STPG2: variants seen among roughly 807,000 people sequenced by gnomAD.
STPG2 encodes sperm tail PG-rich repeat containing 2, also known as sperm-tail PG-rich repeat-containing protein 2.
Under a neutral mutation model 54.2 loss-of-function variants are expected in STPG2, and 56 were observed. The ratio of observed to expected loss-of-function variants is 1.03; its 90% CI spans 0.83 to 1.29. The LOEUF is 1.29. Ranked by LOEUF, STPG2 falls within the 50% of genes most tolerant of loss-of-function variation. The probability of loss-of-function intolerance (pLI) is 0.00; values close to 1 mark genes in which losing one functional copy is unlikely to be tolerated. For synonymous variants in STPG2, 200 were observed against 181.8 expected, an observed-to-expected ratio of 1.10 and a Z score of -0.81; for missense variants, 596 against 544.9, an observed-to-expected ratio of 1.09 and a Z score of -0.93.
intron 4 of STPG2, among the ~76,000 whole-genome samples, chr4:97,524,566 A>G (rs1353109087): frequency 2.0e-5 from 3 of 151,962 alleles, no homozygotes; most frequent in Non-Finnish European, 2.9e-5. Context: ...TTGAAACCCA[A>G]AGGATCATCA....
intron 5 of STPG2, among the ~76,000 whole-genome samples, chr4:98,056,289 A>T (rs1737482584): frequency 6.6e-6 from 1 of 152,000 alleles, no homozygotes; most frequent in Non-Finnish European, 1.5e-5. Context: ...GCCAGTACCC[A>T]TCCCCAAGCC....
In STPG2 at chr4:98,036,075, C is replaced by T. The variant is rs566500564; in HGVS notation, c.613-54757G>A. Among the ~76,000 whole-genome samples the T allele has an allele frequency of 2.0e-5, 3 of 151,806 alleles. No individual in the cohort carries two copies. In the South Asian group the frequency reaches 6.3e-4, roughly 32 times the overall value. ...AAACCTACATGTTCTGCACATATAC[C>T]CCAGAACTTAAAGTATAATAAAAAT... On this transcript the variant is annotated intron_variant, in intron 5 of 10. Coordinates refer to ENST00000295268, the MANE Select transcript of STPG2 (RefSeq NM_174952.3).
At chr4:97,574,150 G>A (rs1732664323) in intron 10 of STPG2, among the ~76,000 whole-genome samples, 1 of 151,946 alleles carries the variant, frequency 6.6e-6, no homozygotes. Context: ...CTGCAGTTGA[G>A]GAACATAATT....
At chr4:97,739,526 G>C (rs1725145462) in intron 9 of STPG2, among the ~76,000 whole-genome samples, 1 of 152,152 alleles carries the variant, frequency 6.6e-6, no homozygotes, top group African/African-American at 2.4e-5. Flanking sequence ...AAACGATAAA[G>C]GGGATATCAC....
chr4:97,883,508 G>A (rs1359347406), intron 8 of STPG2, among the ~76,000 whole-genome samples: 1 of 152,068 alleles, frequency 6.6e-6, no homozygotes, highest in Non-Finnish European at 1.5e-5. Context: ...AAAGCCTTTA[G>A]TGGAAAAGGT....
intron 5 of STPG2, among the ~76,000 whole-genome samples, chr4:98,031,940 C>T (rs1560646227): frequency 6.6e-6 from 1 of 152,052 alleles, no homozygotes; most frequent in African/African-American, 2.4e-5. Context: ...AGAAGATATA[C>T]AAATGGCCAA....
In STPG2 at chr4:97,710,458, C is replaced by A. The variant is rs990717354; in HGVS notation, c.1320+2241G>T. ...AATTGTATGGACCACCAGCATTGGACAGTTGGGGATCCTTTGTGGACATAA... is the reference window on the plus strand; with the variant it reads ...AATTGTATGGACCACCAGCATTGGAAAGTTGGGGATCCTTTGTGGACATAA... On this transcript the variant is annotated intron_variant, in intron 10 of 10. Transcript: ENST00000295268. 3.9e-5 allele frequency among the ~76,000 whole-genome samples: 6 copies of A among 152,186 alleles called. No individual in the cohort carries two copies. In the South Asian group the frequency reaches 1.0e-3, roughly 26 times the overall value.
At chr4:97,870,701 AG>A (rs1205920560) in intron 8 of STPG2, among the ~76,000 whole-genome samples, 1 of 151,392 alleles carries the variant, frequency 6.6e-6, no homozygotes. Flanking sequence ...TGAGAATAAT[AG>A]GTAGAAGCAT....
Position 98,025,985 on chromosome 4 carries a change from G to A in STPG2, c.613-44667C>T, listed in dbSNP as rs977634862. ...GAACTACACAGGAAGCACATTGTGG[G>A]CCAGAATGTTGCAGAATGTTGCAGA... On this transcript the variant is annotated intron_variant, in intron 5 of 10. Coordinates refer to ENST00000295268, the MANE Select transcript of STPG2 (RefSeq NM_174952.3). 9.5e-6 allele frequency: 11 copies of A among 1,153,654 alleles called. No homozygotes were observed. In the African/African-American group the frequency reaches 1.2e-4, roughly 13 times the overall value. The allele number at this position is 1,153,654 out of a possible 1,614,324, so 71.5% of individuals were successfully genotyped here. A position where few individuals can be genotyped will look rare whatever the true frequency, so the allele number is the denominator to read the frequency against.
chr4:97,806,389 T>G (rs1042353013), intron 9 of STPG2, among the ~76,000 whole-genome samples: 2 of 151,966 alleles, frequency 1.3e-5, no homozygotes, highest in Non-Finnish European at 2.9e-5. Context: ...GGCACAAGGA[T>G]TGAAAAACAA....
intron 7 of STPG2, among the ~76,000 whole-genome samples, chr4:97,969,184 A>G (rs1241393711): frequency 6.6e-6 from 1 of 152,152 alleles, no homozygotes; most frequent in African/African-American, 2.4e-5. Flanking sequence ...ATTGTTTGTA[A>G]ACAGCTTTTG....
chr4:97,468,767 G>A (rs1729852493), intron 4 of STPG2, among the ~76,000 whole-genome samples: 1 of 152,020 alleles, frequency 6.6e-6, no homozygotes, highest in African/African-American at 2.4e-5. Context: ...CTTAGGCAGA[G>A]AAAATTCTTC....
At chr4:97,660,922 T>C (rs141170915) in intron 10 of STPG2, among the ~76,000 whole-genome samples, 1 of 152,332 alleles carries the variant, frequency 6.6e-6, no homozygotes, top group Non-Finnish European at 1.5e-5. Context: ...TTCTAGCTAG[T>C]AAGGTTTGTT....
intron 9 of STPG2, among the ~76,000 whole-genome samples, chr4:97,756,716 C>T (rs1725743367): frequency 6.6e-6 from 1 of 152,094 alleles, no homozygotes; most frequent in Non-Finnish European, 1.5e-5. Flanking sequence ...CTTGTCCCCT[C>T]CTATCACTCC....
chr4:97,489,407 C>T (rs575110934), intron 4 of STPG2, among the ~76,000 whole-genome samples: 7 of 151,808 alleles, frequency 4.6e-5, no homozygotes, highest in Admixed American at 2.0e-4. Context: ...GCCAGAGTAA[C>T]GTAGCACTGG....
intron 5 of STPG2, among the ~76,000 whole-genome samples, chr4:98,101,149 T>C (rs1739025361): frequency 6.6e-6 from 1 of 152,220 alleles, no homozygotes. Flanking sequence ...TTGAAAATTC[T>C]GCAGCACTTT....
At chr4:97,446,761 C>A (rs1187283264) in intron 4 of STPG2, among the ~76,000 whole-genome samples, 1 of 152,162 alleles carries the variant, frequency 6.6e-6, no homozygotes, top group African/African-American at 2.4e-5. Flanking sequence ...CTTCGCCTTC[C>A]ACCATGATTG....
intron 10 of STPG2, among the ~76,000 whole-genome samples, chr4:97,599,833 A>AAAAAGAAAAG (rs59858612): frequency 6.8e-6 from 1 of 147,238 alleles, no homozygotes; most frequent in African/African-American, 2.7e-5. Context: ...CAAAAAAAAA[A>AAAAAGAAAAG]AAAAGAAAAG....
At chr4:97,703,481 G>T (rs1723841219) in intron 10 of STPG2, among the ~76,000 whole-genome samples, 1 of 138,182 alleles carries the variant, frequency 7.2e-6, no homozygotes, top group African/African-American at 2.7e-5. Flanking sequence ...GTAGTATATA[G>T]TATATATATA....
Sources: allele counts gnomAD v4.1 joint callset (sites outside exome capture counted in the v4.1 genomes callset), GRCh38; gene constraint gnomAD v4.1.1; transcripts MANE v1.5; gene names NCBI Gene and HGNC (gene_info 2026-07-23, HGNC 2026-07-21).